SPAG9: variants seen among roughly 807,000 people sequenced by gnomAD.
SPAG9 encodes sperm associated antigen 9, also known as C-Jun-amino-terminal kinase-interacting protein 4.
In SPAG9, 35 loss-of-function variants were observed where a neutral mutation model predicts 166.5. The ratio of observed to expected loss-of-function variants is 0.21; its 90% CI spans 0.16 to 0.28. The LOEUF is 0.28. Ranked by LOEUF, SPAG9 falls within the 10% of genes least tolerant of loss-of-function variation. The probability of loss-of-function intolerance (pLI) is 1.00; values close to 1 mark genes in which losing one functional copy is unlikely to be tolerated. For missense variants in SPAG9, 1,235 were observed against 1,603.3 expected (o/e 0.77, Z 3.92); for synonymous variants, 534 against 565.5 (o/e 0.94, Z 0.79).
At chr17:51,082,810 T>G (rs1449841614) in intron 1 of SPAG9, among the ~76,000 whole-genome samples, 1 of 152,186 alleles carries the variant, frequency 6.6e-6, no homozygotes, top group Non-Finnish European at 1.5e-5. Flanking sequence ...CATGGGTTTT[T>G]GTTTTTGTTT....
intron 1 of SPAG9, among the ~76,000 whole-genome samples, chr17:51,097,517 A>G (rs1403210281): frequency 2.0e-5 from 3 of 152,138 alleles, no homozygotes; most frequent in African/African-American, 7.2e-5. Context: ...TTCATCTCAT[A>G]AAGAAAAAAA....
At chr17:51,028,877 G>T (rs543917327) in intron 6 of SPAG9, among the ~76,000 whole-genome samples, 2 of 152,084 alleles carry the variant, frequency 1.3e-5, no homozygotes, top group East Asian at 3.9e-4. Flanking sequence ...CACTTGCCAG[G>T]TTGTGCTGTT....
chr17:50,979,992 C>A, intron 25 of SPAG9, 75 bp from the exon 26 acceptor site: 3 of 1,389,852 alleles, frequency 2.2e-6, no homozygotes, highest in Non-Finnish European at 3.0e-6. Flanking sequence ...CTAATTTGCA[C>A]AAGTTAGCAG....
intron 9 of SPAG9, among the ~76,000 whole-genome samples, chr17:51,013,888 A>G (rs1393705845): frequency 1.3e-5 from 1 of 78,946 alleles, no homozygotes; most frequent in East Asian, 3.8e-4. Context: ...ATCCATACAC[A>G]CACACATACA....
intron 5 of SPAG9, among the ~76,000 whole-genome samples, chr17:51,038,102 G>A (rs1318660342): frequency 6.6e-6 from 1 of 152,102 alleles, no homozygotes; most frequent in Non-Finnish European, 1.5e-5. Context: ...ATTTGCACTG[G>A]CCTTGAATTA....
chr17:51,033,865 A>T (rs2144318737), intron 5 of SPAG9, among the ~76,000 whole-genome samples: 1 of 152,364 alleles, frequency 6.6e-6, no homozygotes, highest in East Asian at 1.9e-4. Flanking sequence ...CAGTAAATGT[A>T]AGTATTAATA....
rs147049273 is a variant in SPAG9 at position 50,985,143 on chromosome 17, C to T, written c.3021-153G>A. ...ATAAATGAACACACCACTTTCTTCA[C>T]TGTGGATGTCCTGCTATGAAAAAAT... On this transcript the variant is annotated intron_variant, in intron 23 of 29. Coordinates refer to ENST00000262013, the MANE Select transcript of SPAG9 (RefSeq NM_001130528.3). 1.0e-3 allele frequency among the ~76,000 whole-genome samples: 155 copies of T among 152,360 alleles called. No individual in the cohort carries two copies. In the Middle Eastern group the frequency reaches 0.01, roughly 10 times the overall value.
At chr17:51,037,685 A>ATATATATATATATAGTGTGTGTGTGT in intron 5 of SPAG9, among the ~76,000 whole-genome samples, 1 of 83,492 alleles carries the variant, frequency 1.2e-5, no homozygotes, top group African/African-American at 3.9e-5. Flanking sequence ...ATATATATAT[A>ATATATATATATATAGTGTGTGTGTGT]GTGTGTGTGT....
intron 26 of SPAG9, among the ~76,000 whole-genome samples, chr17:50,978,226 G>T (rs933964757): frequency 6.6e-6 from 1 of 152,160 alleles, no homozygotes; most frequent in Non-Finnish European, 1.5e-5. Flanking sequence ...GGGCATGATC[G>T]CTGAATCACA....
intron 1 of SPAG9, among the ~76,000 whole-genome samples, chr17:51,114,883 C>CAGAGGT (rs1371564530): frequency 6.6e-6 from 1 of 151,036 alleles, no homozygotes; most frequent in African/African-American, 2.4e-5. Flanking sequence ...ACCTGGGAGG[C>CAGAGGT]AGAGGTTGCA....
intron 2 of SPAG9, among the ~76,000 whole-genome samples, chr17:51,070,573 T>C (rs2047795690): frequency 6.6e-6 from 1 of 152,224 alleles, no homozygotes; most frequent in African/African-American, 2.4e-5. Context: ...CAGAAGTTTT[T>C]GGTTTTTTTA....
chr17:51,005,422 T>G (rs1340584127), intron 11 of SPAG9, among the ~76,000 whole-genome samples, 159 bp from the exon 12 acceptor site: 1 of 152,250 alleles, frequency 6.6e-6, no homozygotes, highest in Non-Finnish European at 1.5e-5. Context: ...TATCATCATA[T>G]CATAGCATTG....
Position 50,974,817 on chromosome 17 carries a change from G to A in SPAG9, c.3654C>T (p.Cys1218=), listed in dbSNP as rs1207930394. 7.5e-6 allele frequency: 12 copies of A among 1,607,640 alleles called. No individual in the cohort carries two copies. The South Asian group carries it at 1.2e-4, about 16-fold the overall frequency. Residue 1218 remains cysteine, a synonymous_variant, in exon 28 of 30, where the codon TGC becomes TGT. Coordinates refer to ENST00000262013, the MANE Select transcript of SPAG9 (RefSeq NM_001130528.3). ...PYCSMAHAQL[C]FHGHRDAVKF... is the part of the protein sequence containing the mutation. ...TCACAGCATCCCGGTGCCCATGGAA[G>A]CAAAGCTGTGCATGTGCCATTGAAC... is the stretch of plus-strand genomic sequence containing the variant.
intron 2 of SPAG9, among the ~76,000 whole-genome samples, chr17:51,077,081 T>TCTAGCTAGCTAGCTATCTAG (rs1230111197): frequency 9.1e-6 from 1 of 109,624 alleles, no homozygotes; most frequent in Non-Finnish European, 1.9e-5. Context: ...TATCTAGCTA[T>TCTAGCTAGCTAGCTATCTAG]CTAGCTAGCT....
intron 6 of SPAG9, among the ~76,000 whole-genome samples, chr17:51,024,197 T>C (rs893802776): frequency 2.0e-5 from 3 of 151,752 alleles, no homozygotes; most frequent in Admixed American, 1.3e-4. Flanking sequence ...GAGGCAGAGG[T>C]TGCAGTGAGC....
At chr17:50,975,881 G>A (rs1219043944) in intron 27 of SPAG9, 26 of 1,535,560 alleles carry the variant, frequency 1.7e-5, no homozygotes, top group East Asian at 2.4e-5. Context: ...CCCAGTAAAC[G>A]TCCCTGGTGG....
At chr17:50,993,095 CAAAAA>C (rs71149332) in intron 19 of SPAG9, among the ~76,000 whole-genome samples, 2 of 75,578 alleles carry the variant, frequency 2.6e-5, no homozygotes, top group African/African-American at 5.5e-5. Context: ...GACTCCATCT[CAAAAA>C]AAAAAAAAAA....
At chr17:51,005,142 C>T (rs759415231) in intron 12 of SPAG9, 70 bp downstream of exon 12, 19 of 1,304,106 alleles carry the variant, frequency 1.5e-5, no homozygotes, top group Non-Finnish European at 1.9e-5. Flanking sequence ...CCAAAGCTTA[C>T]GTAGGAAGAT....
chr17:51,020,119 G>C (rs780538309), intron 8 of SPAG9, 40 bp downstream of exon 8: 9 of 1,189,922 alleles, frequency 7.6e-6, no homozygotes, highest in Admixed American at 1.7e-5. Context: ...AGTTGGGGGT[G>C]GGGGGCGCAG....
Sources: allele counts gnomAD v4.1 joint callset (sites outside exome capture counted in the v4.1 genomes callset), GRCh38; gene constraint gnomAD v4.1.1; transcripts MANE v1.5; gene names NCBI Gene and HGNC (gene_info 2026-07-23, HGNC 2026-07-21).